Variants in PTPRD observed in about 807,000 individuals in gnomAD.
PTPRD encodes receptor-type tyrosine-protein phosphatase delta.
Under a neutral mutation model 214.5 loss-of-function variants are expected in PTPRD, and 34 were observed. The observed-to-expected ratio is 0.16, with a 90% CI of 0.12 to 0.21. The LOEUF is 0.21. PTPRD is among the 10% of genes least tolerant of loss of function. The probability of loss-of-function intolerance (pLI) is 1.00; values close to 1 mark genes in which losing one functional copy is unlikely to be tolerated. For synonymous variants in PTPRD, 1,128 were observed against 845.7 expected, an observed-to-expected ratio of 1.33 and a Z score of -5.79; for missense variants, 2,545 against 2,398.7, an observed-to-expected ratio of 1.06 and a Z score of -1.27.
intron 12 of PTPRD, among the ~76,000 whole-genome samples, chr9:8,705,155 A>G (rs574068428): frequency 4.6e-4 from 70 of 152,302 alleles, no homozygotes; most frequent in Non-Finnish European, 9.1e-4. Context: ...AAATTTGTGT[A>G]ATTCTCACAA....
chr9:9,853,352 G>T (rs543397752), intron 5 of PTPRD, among the ~76,000 whole-genome samples: 4 of 152,138 alleles, frequency 2.6e-5, no homozygotes, highest in East Asian at 3.9e-4. Flanking sequence ...ATTCTTCTTG[G>T]TTTTTTCTCA....
intron 12 of PTPRD, among the ~76,000 whole-genome samples, chr9:8,681,936 C>A (rs113669236): frequency 6.6e-6 from 1 of 152,034 alleles, no homozygotes. Flanking sequence ...GCTGAACAAC[C>A]GACTACGGTA....
intron 9 of PTPRD, among the ~76,000 whole-genome samples, chr9:9,184,545 C>T (rs912038754): frequency 4.6e-5 from 7 of 152,050 alleles, no homozygotes; most frequent in East Asian, 3.9e-4. Flanking sequence ...GATGAGCATT[C>T]GTCACCTCAC....
intron 2 of PTPRD, among the ~76,000 whole-genome samples, chr9:10,500,729 T>C (rs950402506): frequency 1.3e-5 from 2 of 151,710 alleles, no homozygotes; most frequent in African/African-American, 4.8e-5. Context: ...CTTGTAACAA[T>C]CCTACTCTCT....
intron 18 of PTPRD, among the ~76,000 whole-genome samples, chr9:8,524,403 C>T (rs1186406364): frequency 1.3e-5 from 2 of 152,020 alleles, no homozygotes; most frequent in South Asian, 4.1e-4. Context: ...AGAAAGTATA[C>T]GAAGACAGAA....
intron 6 of PTPRD, among the ~76,000 whole-genome samples, chr9:9,752,476 C>T (rs2098530009): frequency 6.6e-6 from 1 of 151,888 alleles, no homozygotes; most frequent in East Asian, 1.9e-4. Flanking sequence ...CACTGGAATC[C>T]TTGTGTACTA....
intron 2 of PTPRD, among the ~76,000 whole-genome samples, chr9:10,360,327 CAA>C (rs768920940): frequency 3.3e-5 from 5 of 152,236 alleles, no homozygotes; most frequent in Admixed American, 6.5e-5. Context: ...AAGTACATCA[CAA>C]AACTCATCAC....
At chr9:9,726,656 A>C (rs1459061007) in intron 7 of PTPRD, among the ~76,000 whole-genome samples, 1 of 152,216 alleles carries the variant, frequency 6.6e-6, no homozygotes, top group Non-Finnish European at 1.5e-5. Flanking sequence ...AGCATCAACT[A>C]GAAAATAGAA....
intron 7 of PTPRD, among the ~76,000 whole-genome samples, chr9:9,691,548 T>C (rs2097271105): frequency 6.6e-6 from 1 of 152,098 alleles, no homozygotes. Flanking sequence ...AAACTTAAGT[T>C]GCTTTTACAT....
intron 2 of PTPRD, among the ~76,000 whole-genome samples, chr9:10,581,779 T>C (rs951122973): frequency 6.6e-6 from 1 of 152,126 alleles, no homozygotes; most frequent in Non-Finnish European, 1.5e-5. Flanking sequence ...GGGTATTAAA[T>C]AGAAATTAAA....
intron 14 of PTPRD, among the ~76,000 whole-genome samples, chr9:8,579,231 A>C (rs2154249251): frequency 6.6e-6 from 1 of 152,330 alleles, no homozygotes; most frequent in East Asian, 1.9e-4. Flanking sequence ...CTGTCCATCT[A>C]ATCTTTTCCA....
At chr9:10,356,838 C>T (rs886172094) in intron 2 of PTPRD, among the ~76,000 whole-genome samples, 1 of 151,960 alleles carries the variant, frequency 6.6e-6, no homozygotes, top group South Asian at 2.1e-4. Flanking sequence ...TGCCACCATG[C>T]CCGGCTAATT....
chr9:10,525,971 A>G (rs2054165551), intron 2 of PTPRD, among the ~76,000 whole-genome samples: 1 of 152,094 alleles, frequency 6.6e-6, no homozygotes, highest in Non-Finnish European at 1.5e-5. Flanking sequence ...ATTTAAATTA[A>G]TTAAAAGTAA....
intron 3 of PTPRD, among the ~76,000 whole-genome samples, chr9:10,125,847 TATATGGATATAA>T (rs2098815295): frequency 6.6e-6 from 1 of 152,090 alleles, no homozygotes. Flanking sequence ...TTGGTATTGA[TATATGGATATAA>T]ATATGGATAT....
chr9:9,336,212 C>G (rs989285733), intron 9 of PTPRD, among the ~76,000 whole-genome samples: 1 of 149,584 alleles, frequency 6.7e-6, no homozygotes, highest in Admixed American at 6.6e-5. Context: ...CCTCATGTAT[C>G]TTCCTCCAGA....
intron 9 of PTPRD, among the ~76,000 whole-genome samples, chr9:9,230,022 T>C (rs1386215564): frequency 6.6e-6 from 1 of 152,158 alleles, no homozygotes; most frequent in Non-Finnish European, 1.5e-5. Context: ...GTAATAGCAA[T>C]AGATTCATCT....
intron 8 of PTPRD, among the ~76,000 whole-genome samples, chr9:9,421,277 C>G (rs2078705011): frequency 1.5e-5 from 2 of 136,398 alleles, no homozygotes; most frequent in South Asian, 5.0e-4. Flanking sequence ...ATAGTACTGT[C>G]TTTGTGAAAA....
chr9:9,518,199 T>G (rs828836), intron 8 of PTPRD, among the ~76,000 whole-genome samples: 38,995 of 151,896 alleles, frequency 0.26, 5,930 homozygotes, highest in Non-Finnish European at 0.33. Context: ...CAACTTTCTG[T>G]GATGTTGAAT....
chr9:8,996,572 A>G (rs997303612), intron 11 of PTPRD, among the ~76,000 whole-genome samples: 1 of 152,040 alleles, frequency 6.6e-6, no homozygotes, highest in Non-Finnish European at 1.5e-5. Context: ...GTTTATAAAC[A>G]GAAATTTATT....
Sources: allele counts gnomAD v4.1 joint callset (sites outside exome capture counted in the v4.1 genomes callset), GRCh38; gene constraint gnomAD v4.1.1; transcripts MANE v1.5; gene names NCBI Gene and HGNC (gene_info 2026-07-23, HGNC 2026-07-21).